The following FRMD4B variants were observed in gnomAD, a reference collection of about 807,000 sequenced individuals.
FRMD4B encodes the protein FERM domain-containing protein 4B.
Under a neutral mutation model 141.5 loss-of-function variants are expected in FRMD4B, and 74 were observed. The observed-to-expected ratio is 0.52, with a 90% CI of 0.43 to 0.63. FRMD4B has a LOEUF of 0.63. FRMD4B is among the 30% of genes least tolerant of loss of function. The pLI is 0.00. For missense variants in FRMD4B, 1,366 were observed against 1,253.4 expected (o/e 1.09, Z -1.36); for synonymous variants, 506 against 467.9 (o/e 1.08, Z -1.05).
chr3:69,451,746 C>T (rs1705503105), intron 1 of FRMD4B, among the ~76,000 whole-genome samples: 1 of 152,102 alleles, frequency 6.6e-6, no homozygotes, highest in Non-Finnish European at 1.5e-5. Flanking sequence ...ATTCAGATCA[C>T]TTCCATAATG....
At chr3:69,266,306 A>G (rs1282855112) in intron 5 of FRMD4B, among the ~76,000 whole-genome samples, 1 of 152,194 alleles carries the variant, frequency 6.6e-6, no homozygotes, top group Non-Finnish European at 1.5e-5. Flanking sequence ...ATTAAAGAGC[A>G]TCAAAATGAA....
intron 7 of FRMD4B, among the ~76,000 whole-genome samples, chr3:69,241,785 C>A (rs1475421950): frequency 6.6e-6 from 1 of 152,086 alleles, no homozygotes; most frequent in Non-Finnish European, 1.5e-5. Context: ...AGAAGAATTG[C>A]TTGAACCCAG....
In FRMD4B at chr3:69,195,138, G is replaced by A. The variant is rs1366569022; in HGVS notation, c.1372C>T (p.Leu458Phe). 1.2e-6 allele frequency: 2 copies of A among 1,613,942 alleles called. No individual in the cohort carries two copies. Among genetic ancestry groups the A allele is most frequent in the Admixed American group, 1.7e-5 (1 of 60,022 alleles). Residue 458 changes from leucine to phenylalanine, a missense_variant, in exon 16 of 23, where the codon CTC becomes TTC. By Grantham distance (22) the Leu-to-Phe change is conservative (BLOSUM62 0). Coordinates refer to ENST00000398540, the MANE Select transcript of FRMD4B (RefSeq NM_015123.3). ...TACTCCTTTGGCATTTTGCCTGTGA[G>A]CTCCTGTAAAACAGGACAGAATCAA... The part of the protein sequence containing the change: ...LKKICLREAE[L>F]TGKMPKEYPL...
At chr3:69,479,652 T>G (rs1266817036) in intron 1 of FRMD4B, among the ~76,000 whole-genome samples, 1 of 152,154 alleles carries the variant, frequency 6.6e-6, no homozygotes, top group Non-Finnish European at 1.5e-5. Context: ...TTTTCCTTCA[T>G]TTCAACTTTG....
chr3:69,208,353 C>T (rs2093043975), intron 11 of FRMD4B, among the ~76,000 whole-genome samples: 1 of 151,996 alleles, frequency 6.6e-6, no homozygotes. Context: ...CATGAGCCAC[C>T]ACGCCTGGCC....
rs1381564873 is a variant in FRMD4B, at chr3:69,325,084, AAAAAGAAAGAAAG to A, written c.163-11580_163-11568del. Among the ~76,000 whole-genome samples the A allele has an allele frequency of 3.4e-3, 482 of 140,428 alleles. 4 individuals are homozygous for A. Among genetic ancestry groups the A allele is most frequent in the African/African-American group, 0.013 (460 of 36,794 alleles). 92.1% of individuals were successfully genotyped at this position (140,428 alleles called of 152,430 possible). On this transcript the variant is annotated intron_variant, in intron 1 of 22. Transcript: ENST00000398540. ...ACAGTGAGATACTGTCTAAAAAAAA[AAAAAGAAAGAAAG>A]AAAGAAAGAAAGAAAGAAAGAAAGA...
chr3:69,542,216 ACCT>A (rs1316977746), exon 1 of FRMD4B: 1 of 151,404 alleles, frequency 6.6e-6, no homozygotes, highest in Non-Finnish European at 1.5e-5. Flanking sequence ...CTGCTCCGCC[ACCT>A]CCTCCCTGCG....
At chr3:69,267,626 TATATATATATAGAGAGAGAGAG>T (rs1559765410) in intron 5 of FRMD4B, among the ~76,000 whole-genome samples, 42 of 13,880 alleles carry the variant, frequency 3.0e-3, no homozygotes, top group East Asian at 0.012. Flanking sequence ...TATATATATA[TATATATATATAGAGAGAGAGAG>T]AGAGAGAGAG....
At chr3:69,422,220 C>T (rs62251458) in intron 2 of FRMD4B, among the ~76,000 whole-genome samples, 39,490 of 151,728 alleles carry the variant, frequency 0.26, 5,692 homozygotes, top group East Asian at 0.47. Context: ...GGTGAAACCC[C>T]GTCTCCACTA....
At chr3:69,464,222 A>AT (rs1705748214) in intron 1 of FRMD4B, among the ~76,000 whole-genome samples, 2 of 152,134 alleles carry the variant, frequency 1.3e-5, no homozygotes, top group African/African-American at 4.8e-5. Flanking sequence ...CATGCTGGTA[A>AT]CTTTTTTTGC....
At chr3:69,325,075 T>TAAA (rs112470737) in intron 1 of FRMD4B, among the ~76,000 whole-genome samples, 4 of 119,846 alleles carry the variant, frequency 3.3e-5, no homozygotes, top group African/African-American at 1.2e-4. Flanking sequence ...AGATACTGTC[T>TAAA]AAAAAAAAAA....
chr3:69,263,816 C>T (rs1295820609), intron 5 of FRMD4B, among the ~76,000 whole-genome samples: 105 of 108,656 alleles, frequency 9.7e-4, no homozygotes, highest in Non-Finnish European at 1.7e-3. Context: ...CAACCCCATT[C>T]CTTTTTTTTT....
intron 2 of FRMD4B, among the ~76,000 whole-genome samples, chr3:69,393,462 C>T (rs945911261): frequency 2.6e-5 from 4 of 152,054 alleles, no homozygotes; most frequent in African/African-American, 9.7e-5. Flanking sequence ...GATGTAAAAG[C>T]ATCCAAATGG....
At chr3:69,240,306 C>T (rs556663852) in intron 7 of FRMD4B, among the ~76,000 whole-genome samples, 2 of 151,372 alleles carry the variant, frequency 1.3e-5, no homozygotes, top group Admixed American at 1.3e-4. Flanking sequence ...ATGGTGAAAA[C>T]CCATCTCTAC....
chr3:69,475,241 A>G (rs1275557889), intron 1 of FRMD4B, among the ~76,000 whole-genome samples: 1 of 151,866 alleles, frequency 6.6e-6, no homozygotes, highest in Non-Finnish European at 1.5e-5. Flanking sequence ...GTTTTAGGGT[A>G]CATGTGCGAA....
intron 1 of FRMD4B, among the ~76,000 whole-genome samples, chr3:69,453,200 C>T (rs1559531526): frequency 6.6e-6 from 1 of 152,114 alleles, no homozygotes; most frequent in Non-Finnish European, 1.5e-5. Context: ...CATTAAAAGA[C>T]CTGATTTGGT....
At chr3:69,401,700 C>T (rs1182239737) in intron 2 of FRMD4B, among the ~76,000 whole-genome samples, 1 of 152,106 alleles carries the variant, frequency 6.6e-6, no homozygotes, top group Non-Finnish European at 1.5e-5. Flanking sequence ...CACGTGTGCA[C>T]CACCACACCC....
At chr3:69,231,543 C>T (rs1575636889) in intron 7 of FRMD4B, among the ~76,000 whole-genome samples, 1 of 152,262 alleles carries the variant, frequency 6.6e-6, no homozygotes, top group Admixed American at 6.5e-5. Flanking sequence ...CCGCCTCCAC[C>T]TCCCAAAGTG....
At chr3:69,391,606 T>C (rs768636532) in intron 2 of FRMD4B, among the ~76,000 whole-genome samples, 4 of 152,028 alleles carry the variant, frequency 2.6e-5, no homozygotes, top group East Asian at 1.9e-4. Flanking sequence ...ATAGAAAAAA[T>C]TCCCCCCACA....
Sources: allele counts gnomAD v4.1 joint callset (sites outside exome capture counted in the v4.1 genomes callset), GRCh38; gene constraint gnomAD v4.1.1; transcripts MANE v1.5; gene names NCBI Gene and HGNC (gene_info 2026-07-23, HGNC 2026-07-21).